Variants in BAZ2B observed in about 807,000 individuals in gnomAD.
BAZ2B encodes the protein bromodomain adjacent to zinc finger domain protein 2B.
A neutral mutation model predicts 246.0 loss-of-function variants in BAZ2B; 91 were observed. The ratio of observed to expected loss-of-function variants is 0.37; its 90% CI spans 0.31 to 0.44. The LOEUF (loss-of-function observed/expected upper bound fraction) is 0.44, where lower values mean the gene tolerates loss of function less well. Ranked by LOEUF, BAZ2B falls within the 20% of genes least tolerant of loss-of-function variation. BAZ2B has a pLI of 1.00. For synonymous variants in BAZ2B, 855 were observed against 860.0 expected, an observed-to-expected ratio of 0.99 and a Z score of 0.10; for missense variants, 2,332 against 2,533.7, an observed-to-expected ratio of 0.92 and a Z score of 1.71.
chr2:159,535,757 A>G (rs2085902755), intron 2 of BAZ2B, among the ~76,000 whole-genome samples: 2 of 152,188 alleles, frequency 1.3e-5, no homozygotes, highest in Non-Finnish European at 2.9e-5. Flanking sequence ...TTCTCTCTTC[A>G]TTATTAACAT....
At chr2:159,592,516 T>C (rs1689631360) in intron 1 of BAZ2B, among the ~76,000 whole-genome samples, 1 of 152,218 alleles carries the variant, frequency 6.6e-6, no homozygotes, top group Non-Finnish European at 1.5e-5. Context: ...GTTCAAATTA[T>C]CTTCTTTCCT....
At chr2:159,671,172 T>C in the BAZ2B span, among the ~76,000 whole-genome samples, 5 of 152,318 alleles carry the variant, frequency 3.3e-5, no homozygotes, top group Admixed American at 1.3e-4. Context: ...GTCAAATACA[T>C]TGATCCTTTA....
chr2:159,580,511 A>C (rs1165870583), intron 1 of BAZ2B, among the ~76,000 whole-genome samples: 1 of 152,200 alleles, frequency 6.6e-6, no homozygotes, highest in African/African-American at 2.4e-5. Context: ...TATAGATTCA[A>C]TACCATCCCC....
intron 23 of BAZ2B, 94 bp from the exon 24 acceptor site, chr2:159,383,774 C>A: frequency 1.9e-6 from 2 of 1,074,056 alleles, no homozygotes; most frequent in South Asian, 1.4e-5. Context: ...TAAATTAATG[C>A]ATTTTTGAAT....
chr2:159,445,422 C>T (rs1441501147), intron 6 of BAZ2B, among the ~76,000 whole-genome samples: 2 of 152,132 alleles, frequency 1.3e-5, no homozygotes, highest in Admixed American at 1.3e-4. Flanking sequence ...TGAAAAGGGA[C>T]TTTTTCCCCC....
downstream of BAZ2B, chr2:159,318,879 ACACACTGTTCCTC>A (rs1384040643): frequency 6.6e-6 from 1 of 152,224 alleles, no homozygotes; most frequent in African/African-American, 2.4e-5. Context: ...ACCACACTCT[ACACACTGTTCCTC>A]CTACAGGTCT....
At chr2:159,492,714 G>T (rs975370422) in intron 2 of BAZ2B, among the ~76,000 whole-genome samples, 1 of 152,146 alleles carries the variant, frequency 6.6e-6, no homozygotes, top group African/African-American at 2.4e-5. Flanking sequence ...ATTGGAGCTA[G>T]TATTTTATCA....
rs374232240 is a variant in BAZ2B, at chr2:159,436,491, G to A, written c.1293+1812C>T. ...GGGCCAGGTGTGGTGGCTCACGCCT[G>A]TAATCCCAGCACTTTGGGAGGCCGA... On this transcript the variant is annotated intron_variant, in intron 8 of 36. Coordinates refer to ENST00000392783, the MANE Select transcript of BAZ2B (RefSeq NM_013450.4). Among the ~76,000 whole-genome samples, 30 of 152,304 alleles carry A rather than the reference G, an allele frequency of 2.0e-4. No individual in the cohort carries two copies. In the East Asian group the frequency reaches 5.2e-3, roughly 26 times the overall value.
intron 1 of BAZ2B, among the ~76,000 whole-genome samples, chr2:159,579,289 A>T (rs542621873): frequency 6.6e-6 from 1 of 152,222 alleles, no homozygotes; most frequent in South Asian, 2.1e-4. Flanking sequence ...AGAGAATACT[A>T]TAAACACCTC....
intron 1 of BAZ2B, among the ~76,000 whole-genome samples, chr2:159,591,144 A>C (rs951376640): frequency 6.6e-6 from 1 of 152,354 alleles, no homozygotes; most frequent in Middle Eastern, 3.4e-3. Flanking sequence ...CTATGAATAA[A>C]AATCACATTA....
At chr2:159,669,445 T>C in the BAZ2B span, among the ~76,000 whole-genome samples, 1 of 152,172 alleles carries the variant, frequency 6.6e-6, no homozygotes, top group Non-Finnish European at 1.5e-5. Flanking sequence ...AATGTATCCA[T>C]TAGATCAAAT....
intron 6 of BAZ2B, among the ~76,000 whole-genome samples, chr2:159,443,715 C>T (rs138190588): frequency 6.8e-4 from 104 of 152,196 alleles, no homozygotes; most frequent in African/African-American, 2.4e-3. Context: ...GCTTAGTTGC[C>T]TTAGACACTA....
chr2:159,661,862 C>A, the BAZ2B span, among the ~76,000 whole-genome samples: 1 of 152,112 alleles, frequency 6.6e-6, no homozygotes, highest in Non-Finnish European at 1.5e-5. Flanking sequence ...ACTCCTGTCT[C>A]CACCTCCCAA....
intron 3 of BAZ2B, among the ~76,000 whole-genome samples, chr2:159,467,609 C>T (rs966387323): frequency 6.6e-6 from 1 of 152,182 alleles, no homozygotes; most frequent in Non-Finnish European, 1.5e-5. Context: ...TAGGCTGGGT[C>T]ACATGCCACA....
At chr2:159,571,814 G>A (rs1473320140) in intron 1 of BAZ2B, among the ~76,000 whole-genome samples, 1 of 152,172 alleles carries the variant, frequency 6.6e-6, no homozygotes, top group Non-Finnish European at 1.5e-5. Flanking sequence ...CCGAGATAAA[G>A]AGAGGATATC....
At chr2:159,600,002 C>T (rs948001438) in intron 1 of BAZ2B, among the ~76,000 whole-genome samples, 3 of 150,616 alleles carry the variant, frequency 2.0e-5, no homozygotes, top group Admixed American at 6.6e-5. Flanking sequence ...ATTGGGGGTA[C>T]TATAGTAGGT....
intron 3 of BAZ2B, chr2:159,462,639 A>G: frequency 3.1e-6 from 3 of 960,900 alleles, no homozygotes; most frequent in East Asian, 2.4e-5. Flanking sequence ...TGACTAACCA[A>G]CTGAACACTG....
intron 25 of BAZ2B, among the ~76,000 whole-genome samples, chr2:159,381,202 C>T (rs1415976034): frequency 1.3e-5 from 2 of 152,136 alleles, no homozygotes; most frequent in African/African-American, 2.4e-5. Flanking sequence ...CTGATAATAA[C>T]ACCCAGATCT....
At chr2:159,354,858 T>C (rs2058929598) in intron 27 of BAZ2B, among the ~76,000 whole-genome samples, 1 of 152,202 alleles carries the variant, frequency 6.6e-6, no homozygotes, top group Non-Finnish European at 1.5e-5. Flanking sequence ...AAATTGGAAG[T>C]ACTCTTCACT....
Sources: gnomAD v4.1 joint callset for allele counts (sites outside exome capture counted in the v4.1 genomes callset) on GRCh38, gnomAD v4.1.1 for gene constraint, MANE v1.5 for transcripts, NCBI Gene and HGNC (gene_info 2026-07-23, HGNC 2026-07-21) for gene names.